Variants in ADGRD2 observed in about 807,000 individuals in gnomAD.
The protein encoded by ADGRD2 is adhesion G protein-coupled receptor D2.
ADGRD2 carries 71 observed loss-of-function variants against 44.4 expected under a neutral mutation model. That is an observed-to-expected ratio of 1.60 (90% CI 1.32 to 1.95). The LOEUF (loss-of-function observed/expected upper bound fraction) is 1.95, where lower values mean the gene tolerates loss of function less well. Among genes scored for constraint, ADGRD2 ranks in the 30% most tolerant of loss-of-function variants. The pLI is 0.00. For missense variants in ADGRD2, 1,039 were observed against 512.4 expected, an observed-to-expected ratio of 2.03 and a Z score of -9.92; for synonymous variants, 481 against 224.8, an observed-to-expected ratio of 2.14 and a Z score of -10.19.
chr9:124,458,541 G>A, intron 9 of ADGRD2, 75 bp from the exon 13 acceptor site: 3 of 693,414 alleles, frequency 4.3e-6, no homozygotes, highest in South Asian at 1.6e-5. Flanking sequence ...CACCGTAGGG[G>A]CCTGGGTGAC....
rs897095913 is a variant in ADGRD2, at chr9:124,455,570, A to T, written c.1393+443A>T. Among the ~76,000 whole-genome samples the T allele has an allele frequency of 3.4e-5, 5 of 149,220 alleles. No homozygotes were observed. In the East Asian group the frequency reaches 1.0e-3, roughly 30 times the overall value. On this transcript the variant is annotated intron_variant, in intron 6 of 21. Coordinates refer to ENST00000334810, the Ensembl canonical transcript of ADGRD2. ...ACACCACTGCACTCCAGCCTGGGTG[A>T]CAGAGTGAGACTCTGTCTCAAAAAA... is the stretch of plus-strand genomic sequence containing the variant.
chr9:124,453,038 C>A (rs868531122), exon 3 of ADGRD2: 1 of 660,566 alleles, frequency 1.5e-6, no homozygotes, highest in South Asian at 1.7e-5. Flanking sequence ...CCTGCAGGTG[C>A]GCGCACCACC....
exon 3 of ADGRD2, chr9:124,453,572 C>A: frequency 1.4e-6 from 1 of 699,282 alleles, no homozygotes; most frequent in Non-Finnish European, 2.6e-6. Flanking sequence ...CGGGCACGGG[C>A]CTGCGCGCCG....
chr9:124,475,191 G>T (rs767827588), intron 17 of ADGRD2, among the ~76,000 whole-genome samples: 28 of 152,242 alleles, frequency 1.8e-4, no homozygotes, highest in Non-Finnish European at 3.7e-4. Context: ...GTCAGAGGCT[G>T]CCTGGTGAGC....
intron 10 of ADGRD2, 31 bp downstream of exon 13, chr9:124,458,752 T>A (rs1226889497): frequency 1.4e-6 from 1 of 715,018 alleles, no homozygotes; most frequent in Non-Finnish European, 2.6e-6. Context: ...GAAGCAGCCA[T>A]CCTGGCGCAC....
chr9:124,461,792 G>A (rs1045404171), intron 10 of ADGRD2, among the ~76,000 whole-genome samples: 3 of 151,816 alleles, frequency 2.0e-5, no homozygotes, highest in African/African-American at 7.3e-5. Context: ...CTGTCACCCA[G>A]GCTAGAGTAC....
chr9:124,456,523 G>A (rs1831619888), intron 6 of ADGRD2, 99 bp from the exon 10 acceptor site: 5 of 682,938 alleles, frequency 7.3e-6, no homozygotes, highest in Non-Finnish European at 5.5e-6. Flanking sequence ...GAGAGGGCAG[G>A]ACCACCTCCC....
At chr9:124,477,292 C>A (rs1456679393) in intron 21 of ADGRD2, among the ~76,000 whole-genome samples, 2 of 152,212 alleles carry the variant, frequency 1.3e-5, no homozygotes, top group Non-Finnish European at 2.9e-5. Context: ...CTCAGCCGGG[C>A]CCAGGGGAGC....
chr9:124,455,098 G>T, exon 6 of ADGRD2: 1 of 711,918 alleles, frequency 1.4e-6, no homozygotes, highest in South Asian at 1.5e-5. Context: ...GGAGGAGCAG[G>T]TGGCTGACAC....
At chr9:124,465,991 T>G (rs1031993650) in intron 10 of ADGRD2, 38 of 290,478 alleles carry the variant, frequency 1.3e-4, no homozygotes, top group African/African-American at 7.8e-4. Flanking sequence ...CCTGGATCTT[T>G]AGCTGAGGTA....
chr9:124,474,276 C>CAAAA (rs397947760), intron 17 of ADGRD2, among the ~76,000 whole-genome samples: 4 of 80,630 alleles, frequency 5.0e-5, no homozygotes, highest in East Asian at 7.6e-4. Flanking sequence ...AACTCTGTCT[C>CAAAA]AAAAAAAAAA....
intron 21 of ADGRD2, among the ~76,000 whole-genome samples, chr9:124,477,654 C>T (rs567682655): frequency 6.6e-6 from 1 of 152,212 alleles, no homozygotes; most frequent in East Asian, 1.9e-4. Flanking sequence ...CCGCGTGAAC[C>T]CGGGTTGTGG....
At position 124,452,622 on chromosome 9, in the gene ADGRD2, C is replaced by G. The variant is rs576882026; in HGVS notation, c.183C>G (p.His61Gln). ...AGTCCTGCGAGCAGCAGTTTGGCCACTTGGCACTGCAGCCCCCTGATGGGG... is the reference window on the plus strand; with the variant it reads ...AGTCCTGCGAGCAGCAGTTTGGCCAGTTGGCACTGCAGCCCCCTGATGGGG... The change falls in exon 2 of 22, where the codon CAC (histidine) becomes CAG (glutamine). Residue 61 changes from histidine to glutamine, a missense_variant. Coordinates refer to ENST00000334810, the Ensembl canonical transcript of ADGRD2. 72 of 718,450 alleles carry G rather than the reference C, an allele frequency of 1.0e-4. 1 individual carries two copies. In the East Asian group the frequency reaches 1.0e-3, roughly 10 times the overall value. The allele number at this position is 718,450 out of a possible 1,614,324, so 44.5% of individuals were successfully genotyped here. A position where few individuals can be genotyped will look rare whatever the true frequency, so the allele number is the denominator to read the frequency against.
chr9:124,470,220 C>T (rs1831921148), intron 16 of ADGRD2, among the ~76,000 whole-genome samples: 1 of 152,340 alleles, frequency 6.6e-6, no homozygotes, highest in South Asian at 2.1e-4. Flanking sequence ...CCACTCTGGA[C>T]AACTACCACC....
At chr9:124,476,656 C>A in intron 20 of ADGRD2, 23 bp from the exon 24 acceptor site, 1 of 700,402 alleles carries the variant, frequency 1.4e-6, no homozygotes, top group Non-Finnish European at 2.6e-6. Context: ...GGGCCACCCC[C>A]GTGACAGCCC....
intron 10 of ADGRD2, among the ~76,000 whole-genome samples, chr9:124,460,374 G>GTATA (rs3050260): frequency 2.8e-3 from 221 of 80,310 alleles, no homozygotes; most frequent in Middle Eastern, 0.015. Context: ...AGCTAATTTT[G>GTATA]TATATATATA....
exon 3 of ADGRD2, chr9:124,453,525 C>G (rs1050350579): frequency 1.4e-6 from 1 of 699,938 alleles, no homozygotes; most frequent in African/African-American, 1.8e-5. Context: ...CCGACTTCCA[C>G]CTGTGGGCGC....
At chr9:124,452,946 G>A (rs1831518869) in intron 2 of ADGRD2, 89 bp from the exon 6 acceptor site, 1 of 605,176 alleles carries the variant, frequency 1.7e-6, no homozygotes, top group Non-Finnish European at 2.9e-6. Context: ...CCCAAAGCCT[G>A]GAAGGACCCC....
chr9:124,476,212 C>T (rs1832046550), intron 19 of ADGRD2, 145 bp from the exon 23 acceptor site: 1 of 568,158 alleles, frequency 1.8e-6, no homozygotes. Context: ...TCCCTTCCCT[C>T]TCTGGGCCTC....
Sources: allele counts gnomAD v4.1 joint callset (sites outside exome capture counted in the v4.1 genomes callset), GRCh38; gene constraint gnomAD v4.1.1; transcripts MANE v1.5; gene names NCBI Gene and HGNC (gene_info 2026-07-23, HGNC 2026-07-21).